SPOCK1: variants seen among roughly 807,000 people sequenced by gnomAD.
SPOCK1 encodes the protein testican-1.
SPOCK1 carries 23 observed loss-of-function variants against 55.3 expected under a neutral mutation model. The observed-to-expected ratio is 0.42, with a 90% CI of 0.30 to 0.59. SPOCK1 has a LOEUF of 0.59. SPOCK1 is among the 20% of genes least tolerant of loss of function. The pLI is 0.22. For missense variants in SPOCK1, 499 were observed against 552.5 expected (o/e 0.90, Z 0.97); for synonymous variants, 226 against 221.0 (o/e 1.02, Z -0.20).
At chr5:137,223,100 C>T (rs949159077) in intron 3 of SPOCK1, among the ~76,000 whole-genome samples, 1 of 151,884 alleles carries the variant, frequency 6.6e-6, no homozygotes, top group African/African-American at 2.4e-5. Context: ...AACAAGTATC[C>T]ATGCTATGGC....
At chr5:137,320,661 C>G (rs916411215) in intron 2 of SPOCK1, among the ~76,000 whole-genome samples, 1 of 152,148 alleles carries the variant, frequency 6.6e-6, no homozygotes, top group African/African-American at 2.4e-5. Flanking sequence ...GAAAAAGAGA[C>G]CAGCAAATCT....
At chr5:137,187,824 T>C (rs1755104595) in intron 3 of SPOCK1, among the ~76,000 whole-genome samples, 1 of 152,188 alleles carries the variant, frequency 6.6e-6, no homozygotes. Flanking sequence ...TCAGCAACTC[T>C]CAGTGATTTC....
rs867250221 is a variant in SPOCK1, at chr5:137,252,050, T to C, written c.232+14960A>G. On this transcript the variant is annotated intron_variant, in intron 3 of 10. Coordinates refer to ENST00000394945, the MANE Select transcript of SPOCK1 (RefSeq NM_004598.4). ...AAGCAATTCTCCTGCCTCAGCCTCC[T>C]GAGTAGCTGGGATTACAGGCACCTG... Among the ~76,000 whole-genome samples the C allele has an allele frequency of 4.6e-5, 7 of 152,262 alleles. No individual in the cohort carries two copies. In the South Asian group the frequency reaches 1.0e-3, roughly 23 times the overall value.
At chr5:137,477,085 T>C (rs140575824) in intron 2 of SPOCK1, among the ~76,000 whole-genome samples, 55 of 152,282 alleles carry the variant, frequency 3.6e-4, no homozygotes, top group African/African-American at 1.3e-3. Context: ...AGTCCAAATG[T>C]TTTTAAAAGC....
chr5:137,484,846 C>CA (rs1207365618), intron 2 of SPOCK1, among the ~76,000 whole-genome samples: 1 of 152,086 alleles, frequency 6.6e-6, no homozygotes, highest in Non-Finnish European at 1.5e-5. Flanking sequence ...TCACTGGATT[C>CA]AAAAACACCA....
At chr5:137,374,376 T>G (rs1365620781) in intron 2 of SPOCK1, among the ~76,000 whole-genome samples, 1 of 152,126 alleles carries the variant, frequency 6.6e-6, no homozygotes, top group African/African-American at 2.4e-5. Flanking sequence ...AGGTACATAG[T>G]GAAAAATGGG....
chr5:137,006,406 G>A (rs1408343409), intron 6 of SPOCK1, among the ~76,000 whole-genome samples: 1 of 152,098 alleles, frequency 6.6e-6, no homozygotes, highest in Non-Finnish European at 1.5e-5. Flanking sequence ...AGTTCTCCTT[G>A]AAGAGATCCT....
intron 2 of SPOCK1, among the ~76,000 whole-genome samples, chr5:137,339,518 G>C (rs1316174974): frequency 1.3e-5 from 2 of 152,178 alleles, no homozygotes; most frequent in African/African-American, 2.4e-5. Context: ...CTCAGAGATG[G>C]GAAGGGGGAA....
At chr5:137,121,827 C>T (rs1753689598) in intron 4 of SPOCK1, among the ~76,000 whole-genome samples, 1 of 143,846 alleles carries the variant, frequency 7.0e-6, no homozygotes, top group Non-Finnish European at 1.5e-5. Context: ...CCTTATTATC[C>T]CTATTATTAT....
At chr5:137,107,578 G>A (rs1753392970) in intron 5 of SPOCK1, among the ~76,000 whole-genome samples, 1 of 152,144 alleles carries the variant, frequency 6.6e-6, no homozygotes, top group Non-Finnish European at 1.5e-5. Flanking sequence ...AAGACTCTGT[G>A]CCTTTCTGTG....
At chr5:137,033,249 G>C (rs151174364) in intron 6 of SPOCK1, among the ~76,000 whole-genome samples, 1 of 152,354 alleles carries the variant, frequency 6.6e-6, no homozygotes, top group East Asian at 1.9e-4. Context: ...AGTGTGGGAA[G>C]CATGGAAGCC....
chr5:137,050,530 G>A (rs1301471556), intron 6 of SPOCK1, among the ~76,000 whole-genome samples: 12 of 150,898 alleles, frequency 8.0e-5, no homozygotes, highest in African/African-American at 2.9e-4. Context: ...ACTGGCCTGC[G>A]CCCACTGTCT....
intron 3 of SPOCK1, among the ~76,000 whole-genome samples, chr5:137,149,732 G>A (rs1295145687): frequency 2.0e-5 from 3 of 152,198 alleles, no homozygotes; most frequent in South Asian, 2.1e-4. Context: ...TGTTGATCAT[G>A]TAAGGATTGG....
chr5:137,296,350 C>T (rs1757479052), intron 2 of SPOCK1, among the ~76,000 whole-genome samples: 2 of 152,146 alleles, frequency 1.3e-5, no homozygotes, highest in Non-Finnish European at 2.9e-5. Flanking sequence ...GCAAGGGGAG[C>T]CCGCATTCAA....
At chr5:137,182,021 G>A (rs908493144) in intron 3 of SPOCK1, among the ~76,000 whole-genome samples, 7 of 152,122 alleles carry the variant, frequency 4.6e-5, no homozygotes, top group Non-Finnish European at 7.4e-5. Context: ...TGCAGCAGTG[G>A]GCCTAAAGGA....
chr5:137,361,279 C>T (rs1750937343), intron 2 of SPOCK1, among the ~76,000 whole-genome samples: 1 of 152,184 alleles, frequency 6.6e-6, no homozygotes, highest in Non-Finnish European at 1.5e-5. Context: ...TTTGTTATAG[C>T]AGCCTGAGCT....
At chr5:137,283,751 G>A (rs1757211476) in intron 2 of SPOCK1, among the ~76,000 whole-genome samples, 1 of 152,026 alleles carries the variant, frequency 6.6e-6, no homozygotes, top group African/African-American at 2.4e-5. Flanking sequence ...AAAAACTAGT[G>A]TAGAGGTAAA....
chr5:137,090,758 G>A (rs1300665678), intron 5 of SPOCK1, among the ~76,000 whole-genome samples: 1 of 152,200 alleles, frequency 6.6e-6, no homozygotes, highest in African/African-American at 2.4e-5. Context: ...AGAATGGGCA[G>A]ATTCTGTAAA....
chr5:137,092,532 C>T (rs1037266335), intron 5 of SPOCK1, among the ~76,000 whole-genome samples: 4 of 152,222 alleles, frequency 2.6e-5, no homozygotes, highest in African/African-American at 7.2e-5. Context: ...TGAGGTCAGA[C>T]GTTCTCTTAC....
Sources: allele counts gnomAD v4.1 joint callset (sites outside exome capture counted in the v4.1 genomes callset), GRCh38; gene constraint gnomAD v4.1.1; transcripts MANE v1.5; gene names NCBI Gene and HGNC (gene_info 2026-07-23, HGNC 2026-07-21).